SLCO3A1: variants seen among roughly 807,000 people sequenced by gnomAD.
The protein encoded by SLCO3A1 is PGE1 transporter.
SLCO3A1 carries 27 observed loss-of-function variants against 63.1 expected under a neutral mutation model. The observed-to-expected ratio is 0.43, with a 90% confidence interval of 0.32 to 0.59. SLCO3A1 has a LOEUF of 0.59. Among genes scored for constraint, SLCO3A1 ranks in the 20% least tolerant of loss-of-function variants. The probability of loss-of-function intolerance (pLI) is 0.09; values close to 1 mark genes in which losing one functional copy is unlikely to be tolerated. For missense variants in SLCO3A1, 773 were observed against 945.8 expected (o/e 0.82, Z 2.40); for synonymous variants, 473 against 409.9 (o/e 1.15, Z -1.86).
At chr15:91,994,206 T>C (rs1487955716) in intron 2 of SLCO3A1, among the ~76,000 whole-genome samples, 4 of 152,212 alleles carry the variant, frequency 2.6e-5, no homozygotes, top group Non-Finnish European at 5.9e-5. Flanking sequence ...TTTAAGGCCT[T>C]TGCAAATAAT....
Position 92,147,104 on chromosome 15 carries a change from A to G in SLCO3A1, c.1633A>G (p.Ile545Val), listed in dbSNP as rs2048236116. The change falls in exon 8 of 10, where the codon ATC becomes GTC. Residue 545 changes from isoleucine (I) to valine (V), a missense_variant. By Grantham distance (29) the Ile-to-Val change is conservative. Around this residue, in one of 3 missense-constraint regions of SLCO3A1, gnomAD observed 565 missense variants for 749.8 expected, o/e 0.75. Transcript: ENST00000318445. ...CCTCACTTTCCTCTGTGTGATGTGT[A>G]TCTGCAGCCTGATCGGTGCCATGGC... ...AFLTFLCVMC[I>V]CSLIGAMAQT... The G allele has an allele frequency of 1.2e-6, 2 of 1,614,108 alleles. No individual in the cohort carries two copies. The highest frequency in any genetic ancestry group is 1.7e-6 in the Non-Finnish European group (2 of 1,180,016).
rs55878546 is a variant in SLCO3A1, at chr15:91,883,030, C to T, written c.180+28942C>T. Among the ~76,000 whole-genome samples, 2,259 of 152,264 alleles carry T rather than the reference C, an allele frequency of 0.015. 58 individuals are homozygous for T. The highest frequency in any genetic ancestry group is 0.052 in the African/African-American group (2,144 of 41,536). On this transcript the variant is annotated intron_variant, in intron 1 of 9. Coordinates refer to ENST00000318445, the MANE Select transcript of SLCO3A1 (RefSeq NM_013272.4). This position sits in a 1 kb window ranked among gnomAD's most constrained non-coding sequence, Gnocchi z 4.8. The stretch of plus-strand genomic sequence containing the variant: ...GCAGCCACCATGCAAGCCAGGCAGG[C>T]GCCATCCACTGTAAACAGAGAGGAG...
At chr15:91,988,599 T>C (rs1004948935) in intron 2 of SLCO3A1, among the ~76,000 whole-genome samples, 34 of 152,118 alleles carry the variant, frequency 2.2e-4, no homozygotes, top group Non-Finnish European at 4.4e-4. Context: ...CAGTGGTTTT[T>C]GAACTTGAGG....
chr15:92,016,038 C>T (rs2046422025), intron 2 of SLCO3A1, among the ~76,000 whole-genome samples: 1 of 152,038 alleles, frequency 6.6e-6, no homozygotes, highest in South Asian at 2.1e-4. Context: ...TAGGGCACTC[C>T]AAGGAGGAGA....
At chr15:92,114,228 G>A (rs1297119710) in intron 4 of SLCO3A1, among the ~76,000 whole-genome samples, 1 of 152,092 alleles carries the variant, frequency 6.6e-6, no homozygotes, top group Non-Finnish European at 1.5e-5. Flanking sequence ...TGTCACTGAT[G>A]GTTGGTTCAT....
At chr15:92,161,797 CTG>C (rs1466912068) in intron 9 of SLCO3A1, 7 of 138,948 alleles carry the variant, frequency 5.0e-5, no homozygotes, top group African/African-American at 1.8e-4. Context: ...GCAGTTTCCT[CTG>C]TAGAACACCA....
At chr15:91,881,634 C>T (rs932898969) in intron 1 of SLCO3A1, among the ~76,000 whole-genome samples, 2 of 152,032 alleles carry the variant, frequency 1.3e-5, no homozygotes, top group South Asian at 2.1e-4. Flanking sequence ...TCAGAGAAAC[C>T]GTTGGATCAG....
chr15:92,172,406 AATTAT>A (rs1472944290), exon 11 of SLCO3A1: 1 of 152,260 alleles, frequency 6.6e-6, no homozygotes, highest in Non-Finnish European at 1.5e-5. Flanking sequence ...GTTTGCTGAA[AATTAT>A]ATTAAAAGCA....
intron 2 of SLCO3A1, among the ~76,000 whole-genome samples, chr15:91,940,535 A>C (rs550286563): frequency 4.6e-5 from 7 of 152,272 alleles, no homozygotes; most frequent in African/African-American, 1.7e-4. Context: ...GTGAATTTCA[A>C]ATCAGTGCTT....
At chr15:92,124,730 G>T (rs562014547) in intron 5 of SLCO3A1, among the ~76,000 whole-genome samples, 1 of 152,296 alleles carries the variant, frequency 6.6e-6, no homozygotes, top group African/African-American at 2.4e-5. Context: ...AAACAGTATG[G>T]AATCTCAGGG....
chr15:91,998,109 A>G (rs1201803314), intron 2 of SLCO3A1, among the ~76,000 whole-genome samples: 1 of 152,226 alleles, frequency 6.6e-6, no homozygotes, highest in Admixed American at 6.5e-5. Flanking sequence ...AAGGTCTGTT[A>G]TCCAAAATTA....
intron 3 of SLCO3A1, among the ~76,000 whole-genome samples, chr15:92,103,870 T>C (rs1468107416): frequency 6.6e-6 from 1 of 152,058 alleles, no homozygotes; most frequent in Non-Finnish European, 1.5e-5. Flanking sequence ...TTGAGTGGGA[T>C]CTCGTGTGAG....
At chr15:92,124,147 A>G (rs2238359) in intron 5 of SLCO3A1, among the ~76,000 whole-genome samples, 116,320 of 152,206 alleles carry the variant, frequency 0.76, 45,676 homozygotes, top group African/African-American at 0.94. Flanking sequence ...CACCCCTTGC[A>G]AAGTCATCAG....
At position 92,079,683 on chromosome 15, in the gene SLCO3A1, G is replaced by A. The variant is rs74844207; in HGVS notation, c.647-15198G>A. ...GATTTGAGGGGACACAGTCCAGCCC[G>A]TAATAGGGGGAGAGCAGGGCAGGTG... On this transcript the variant is annotated intron_variant, in intron 2 of 9. Coordinates refer to ENST00000318445, the MANE Select transcript of SLCO3A1 (RefSeq NM_013272.4). 2.4e-3 allele frequency among the ~76,000 whole-genome samples: 365 copies of A among 152,366 alleles called. 2 individuals carry two copies. The highest frequency in any genetic ancestry group is 7.6e-3 in the African/African-American group (317 of 41,594).
At chr15:92,170,987 C>T (rs918005948) in intron 10 of SLCO3A1, 3 of 152,176 alleles carry the variant, frequency 2.0e-5, no homozygotes, top group African/African-American at 4.8e-5. Context: ...GAAGGATGCT[C>T]GAACTTGCCC....
chr15:92,139,055 G>A (rs200495485), intron 7 of SLCO3A1, among the ~76,000 whole-genome samples: 42,602 of 138,618 alleles, frequency 0.31, 6,433 homozygotes, highest in East Asian at 0.38. Context: ...TCTTGTGCCA[G>A]TTTTCAAAGG....
chr15:91,855,077 C>T (rs555862662), intron 1 of SLCO3A1, among the ~76,000 whole-genome samples: 45 of 152,044 alleles, frequency 3.0e-4, no homozygotes, highest in Middle Eastern at 3.2e-3. Context: ...GCTATTGACC[C>T]GCAACTGGAA....
chr15:91,999,665 G>T (rs2046230483), intron 2 of SLCO3A1, among the ~76,000 whole-genome samples: 1 of 152,236 alleles, frequency 6.6e-6, no homozygotes, highest in South Asian at 2.1e-4. Flanking sequence ...AGTGGTGCAT[G>T]CCTGTAGTCC....
intron 4 of SLCO3A1, among the ~76,000 whole-genome samples, chr15:92,119,378 C>T (rs1596117800): frequency 1.3e-5 from 2 of 152,232 alleles, no homozygotes; most frequent in South Asian, 4.1e-4. Context: ...TTCCTGCTTT[C>T]CGGCTCTGTC....
Sources: allele counts gnomAD v4.1 joint callset (sites outside exome capture counted in the v4.1 genomes callset), GRCh38; gene constraint gnomAD v4.1.1; regional missense constraint gnomAD v4.1.1; non-coding constraint Gnocchi (gnomAD v3.1); transcripts MANE v1.5; gene names NCBI Gene and HGNC (gene_info 2026-07-23, HGNC 2026-07-21).